Variants in PPP1R9A observed in about 807,000 individuals in gnomAD.
PPP1R9A encodes protein phosphatase 1 regulatory subunit 9A, also known as neurabin-1.
A neutral mutation model predicts 141.9 loss-of-function variants in PPP1R9A; 59 were observed. The ratio of observed to expected loss-of-function variants is 0.42; its 90% CI spans 0.34 to 0.52. PPP1R9A has a LOEUF of 0.52. Among genes scored for constraint, PPP1R9A ranks in the 20% least tolerant of loss-of-function variants. The probability of loss-of-function intolerance (pLI) is 0.10; values close to 1 mark genes in which losing one functional copy is unlikely to be tolerated. For synonymous variants in PPP1R9A, 500 were observed against 569.7 expected, an observed-to-expected ratio of 0.88 and a Z score of 1.74; for missense variants, 1,444 against 1,611.9, an observed-to-expected ratio of 0.90 and a Z score of 1.78.
At chr7:94,971,620 T>C (rs1051980140) in intron 2 of PPP1R9A, among the ~76,000 whole-genome samples, 2 of 152,220 alleles carry the variant, frequency 1.3e-5, no homozygotes, top group Non-Finnish European at 2.9e-5. Context: ...TGGAACCCTC[T>C]GTATGGGTCA....
Position 95,131,034 on chromosome 7 carries a change from G to A in PPP1R9A, c.1649+10202G>A, listed in dbSNP as rs4481517. Among the ~76,000 whole-genome samples the A allele has an allele frequency of 7.6e-3, 1,161 of 152,282 alleles. 28 individuals are homozygous for A. The highest frequency in any genetic ancestry group is 0.04 in the Admixed American group (619 of 15,294). ...AAGACTATGGGGGACTGTTTGGAAG[G>A]TGTAATTGGTTTTGAAATGTCAGGA... On this transcript the variant is annotated intron_variant, in intron 4 of 19. Transcript: ENST00000433360.
chr7:95,018,353 G>T, intron 2 of PPP1R9A: 1 of 213,200 alleles, frequency 4.7e-6, no homozygotes, highest in Non-Finnish European at 1.1e-5. Flanking sequence ...TTCTGCAGCA[G>T]AAATCTGGGA....
intron 2 of PPP1R9A, among the ~76,000 whole-genome samples, chr7:95,057,193 A>C (rs563115108): frequency 1.2e-4 from 18 of 152,158 alleles, no homozygotes; most frequent in African/African-American, 4.1e-4. Context: ...CAGTCTTTGA[A>C]CTCACATAAT....
intron 8 of PPP1R9A, among the ~76,000 whole-genome samples, chr7:95,228,742 C>G (rs1460475949): frequency 6.6e-6 from 1 of 152,114 alleles, no homozygotes; most frequent in Non-Finnish European, 1.5e-5. Flanking sequence ...TAGTAAATTT[C>G]TAGAGAACTG....
rs757687028 is a variant in PPP1R9A at position 95,290,199 on chromosome 7, CAA to C, written c.4023_4024del (p.Glu1343LysfsTer30). The C allele has an allele frequency of 6.2e-7, 1 of 1,613,682 alleles. No homozygotes were observed. Among genetic ancestry groups the C allele is most frequent in the Non-Finnish European group, 8.5e-7 (1 of 1,179,886 alleles). ...GAAGGCCCAAGAGAAAATGGAAAAACAAAGAGAAAAGCTAAGGAGAAAGGAGC... is the reference window on the plus strand; with the variant it reads ...GAAGGCCCAAGAGAAAATGGAAAAACAGAGAAAAGCTAAGGAGAAAGGAGC... ...ARKAQEKMEK[Q>X]REKLRRKEQE... On this transcript the variant is annotated frameshift_variant, in exon 20 of 20. Transcript: ENST00000433360. LOFTEE classifies it high-confidence loss of function.
chr7:94,910,767 C>T lies in PPP1R9A; in HGVS notation c.654C>T (p.Ile218=). 1 of 1,614,118 alleles carries T rather than the reference C, an allele frequency of 6.2e-7. No homozygotes were observed. Among genetic ancestry groups the T allele is most frequent in the African/African-American group, 1.3e-5 (1 of 75,046 alleles). ...VFENTDSPSA[I]ISEKAENNEY... ...AGAACACTGATTCTCCCAGTGCCAT[C>T]ATTTCTGAGAAGGCTGAAAACAATG... Residue 218 remains isoleucine, a synonymous_variant, in exon 2 of 20, where the codon ATC becomes ATT. Transcript: ENST00000433360. This position sits in a 1 kb window ranked among gnomAD's most constrained non-coding sequence, Gnocchi z 4.5.
At chr7:94,935,416 GA>G (rs1381745299) in intron 2 of PPP1R9A, among the ~76,000 whole-genome samples, 4 of 152,160 alleles carry the variant, frequency 2.6e-5, no homozygotes, top group African/African-American at 9.7e-5. Flanking sequence ...TTCTGTGGTT[GA>G]ATATGTTTGG....
At chr7:95,275,428 GGA>G (rs1013255929) in intron 16 of PPP1R9A, among the ~76,000 whole-genome samples, 2 of 151,820 alleles carry the variant, frequency 1.3e-5, no homozygotes, top group African/African-American at 4.8e-5. Context: ...AAAAAGATTG[GGA>G]GAGTAGATAA....
chr7:94,935,178 T>C (rs1019502149), intron 2 of PPP1R9A, among the ~76,000 whole-genome samples: 5 of 152,218 alleles, frequency 3.3e-5, no homozygotes, highest in Admixed American at 3.3e-4. Context: ...AGAGTCATTT[T>C]CACTGCCTGA....
intron 5 of PPP1R9A, among the ~76,000 whole-genome samples, chr7:95,193,915 C>G (rs929385956): frequency 1.1e-4 from 16 of 151,948 alleles, no homozygotes; most frequent in Admixed American, 5.2e-4. Context: ...AACTGTTAAA[C>G]TAAAAGATCT....
intron 12 of PPP1R9A, among the ~76,000 whole-genome samples, chr7:95,258,390 T>G (rs1799929332): frequency 6.6e-6 from 1 of 152,192 alleles, no homozygotes; most frequent in South Asian, 2.1e-4. Context: ...TAAATTTGTT[T>G]GAGTTCATTG....
At chr7:95,079,909 A>C (rs1254530487) in intron 2 of PPP1R9A, among the ~76,000 whole-genome samples, 4 of 152,184 alleles carry the variant, frequency 2.6e-5, no homozygotes, top group Non-Finnish European at 5.9e-5. Context: ...CTAAAAACTC[A>C]ATAAATTAGG....
chr7:95,050,668 G>A (rs1390501132), intron 2 of PPP1R9A, among the ~76,000 whole-genome samples: 2 of 152,192 alleles, frequency 1.3e-5, no homozygotes, highest in African/African-American at 4.8e-5. Context: ...GGAGGTTGCA[G>A]TGAGCCAAGA....
chr7:94,984,395 C>G (rs1800531071), intron 2 of PPP1R9A, among the ~76,000 whole-genome samples: 1 of 152,026 alleles, frequency 6.6e-6, no homozygotes, highest in Non-Finnish European at 1.5e-5. Context: ...GGAATAGTTT[C>G]AAAAGGAATG....
At chr7:95,186,991 C>T (rs887314597) in intron 5 of PPP1R9A, among the ~76,000 whole-genome samples, 1 of 151,898 alleles carries the variant, frequency 6.6e-6, no homozygotes, top group Non-Finnish European at 1.5e-5. Context: ...TCTGTCCTTT[C>T]CTGGTTCTGG....
intron 2 of PPP1R9A, among the ~76,000 whole-genome samples, chr7:94,938,068 C>T (rs1794955828): frequency 6.6e-6 from 1 of 152,028 alleles, no homozygotes; most frequent in African/African-American, 2.4e-5. Context: ...GTCCTCAGAC[C>T]CTGGGCCGTG....
chr7:95,000,848 A>G (rs1802816311), intron 2 of PPP1R9A, among the ~76,000 whole-genome samples: 1 of 152,196 alleles, frequency 6.6e-6, no homozygotes. Context: ...AGGATACATA[A>G]TCTATTTGCT....
intron 5 of PPP1R9A, among the ~76,000 whole-genome samples, chr7:95,164,967 T>G (rs1382311948): frequency 6.6e-6 from 1 of 152,092 alleles, no homozygotes; most frequent in Non-Finnish European, 1.5e-5. Flanking sequence ...TCTGCCCCAC[T>G]TTCCTGCTTT....
chr7:95,173,550 C>T (rs1832465503), intron 5 of PPP1R9A, among the ~76,000 whole-genome samples: 1 of 151,790 alleles, frequency 6.6e-6, no homozygotes, highest in African/African-American at 2.4e-5. Flanking sequence ...ACAAAATACC[C>T]TTAAGAAAAT....
Sources: gnomAD v4.1 joint callset for allele counts (sites outside exome capture counted in the v4.1 genomes callset) on GRCh38, gnomAD v4.1.1 for gene constraint, Gnocchi (gnomAD v3.1) non-coding constraint, MANE v1.5 for transcripts, NCBI Gene and HGNC (gene_info 2026-07-23, HGNC 2026-07-21) for gene names.